Variants in ATP6V0A4 observed in about 807,000 individuals in gnomAD.
ATP6V0A4 encodes the protein ATPase H+ transporting V0 subunit a4, also known as V-type proton ATPase 116 kDa subunit a 4.
In ATP6V0A4, 86 loss-of-function variants were observed where a neutral mutation model predicts 107.3. The ratio of observed to expected loss-of-function variants is 0.80; its 90% CI spans 0.67 to 0.96. The LOEUF (loss-of-function observed/expected upper bound fraction) is 0.96, where lower values mean the gene tolerates loss of function less well. Among genes scored for constraint, ATP6V0A4 ranks in the 40% least tolerant of loss-of-function variants. ATP6V0A4 has a pLI of 0.00. For synonymous variants in ATP6V0A4, 353 were observed against 381.4 expected (o/e 0.93, Z 0.87); for missense variants, 908 against 1,045.6 (o/e 0.87, Z 1.81).
chr7:138,710,700 T>G (rs985511988), intron 20 of ATP6V0A4, among the ~76,000 whole-genome samples: 2 of 152,250 alleles, frequency 1.3e-5, no homozygotes, highest in Admixed American at 1.3e-4. Flanking sequence ...TGCCAGGTAC[T>G]GAGCACAGGA....
chr7:138,793,442 GA>G (rs1459086013), intron 1 of ATP6V0A4, among the ~76,000 whole-genome samples: 2 of 152,180 alleles, frequency 1.3e-5, no homozygotes, highest in Admixed American at 1.3e-4. Flanking sequence ...CTACAGGGAA[GA>G]AAGAAACCCG....
chr7:138,722,134 T>C (rs1584897577), intron 18 of ATP6V0A4, 109 bp from the exon 19 acceptor site: 1 of 1,520,242 alleles, frequency 6.6e-7, no homozygotes, highest in Non-Finnish European at 8.9e-7. Flanking sequence ...TACCAGACAC[T>C]GTTCTAAACA....
intron 8 of ATP6V0A4, among the ~76,000 whole-genome samples, chr7:138,758,449 T>A (rs1806616749): frequency 6.6e-6 from 1 of 152,184 alleles, no homozygotes; most frequent in African/African-American, 2.4e-5. Flanking sequence ...TTTTGTTGTT[T>A]TTTCATTAAA....
intron 14 of ATP6V0A4, among the ~76,000 whole-genome samples, chr7:138,741,386 G>A (rs1452966304): frequency 2.0e-5 from 3 of 152,068 alleles, no homozygotes; most frequent in Non-Finnish European, 4.4e-5. Context: ...ATGACTCAGT[G>A]CAAATGGCTG....
At chr7:138,787,280 AC>A (rs1194045694) in intron 1 of ATP6V0A4, among the ~76,000 whole-genome samples, 2 of 152,178 alleles carry the variant, frequency 1.3e-5, no homozygotes, top group East Asian at 3.9e-4. Context: ...AGTCCTGCGG[AC>A]CCCAGAGAAA....
chr7:138,722,609 G>C (rs1196829296), intron 18 of ATP6V0A4, among the ~76,000 whole-genome samples: 4 of 151,496 alleles, frequency 2.6e-5, no homozygotes. Flanking sequence ...GCTGGGCGTG[G>C]TGGTGCATGC....
chr7:138,758,354 T>C (rs1182437696), intron 8 of ATP6V0A4, among the ~76,000 whole-genome samples: 4 of 152,186 alleles, frequency 2.6e-5, no homozygotes, highest in Non-Finnish European at 5.9e-5. Context: ...ATGAAGACAT[T>C]AGAGTGATGG....
intron 2 of ATP6V0A4, among the ~76,000 whole-genome samples, chr7:138,772,484 G>A (rs936471294): frequency 5.3e-5 from 8 of 152,122 alleles, no homozygotes; most frequent in African/African-American, 1.7e-4. Context: ...TGCGAGTTAG[G>A]TTAGCCAAAA....
Position 138,789,229 on chromosome 7 carries a change from T to TTG in ATP6V0A4, c.-120-2970_-120-2969insCA, listed in dbSNP as rs1554403329. Among the ~76,000 whole-genome samples, 51 of 151,470 alleles carry TTG rather than the reference T, an allele frequency of 3.4e-4. 1 individual carries two copies. In the South Asian group the frequency reaches 4.8e-3, roughly 14 times the overall value. On this transcript the variant is annotated intron_variant, in intron 1 of 21. Coordinates refer to ENST00000310018, the MANE Select transcript of ATP6V0A4 (RefSeq NM_020632.3). ...GTTAAGGTTTTTTGGGGGGTTTTTTTTTGTTGTTGTTGTTGTTTTTGTCTT... is the reference window on the plus strand; with the variant it reads ...GTTAAGGTTTTTTGGGGGGTTTTTTTTGTTGTTGTTGTTGTTGTTTTTGTCTT...
intron 18 of ATP6V0A4, among the ~76,000 whole-genome samples, chr7:138,726,833 A>G (rs868111112): frequency 1.5e-4 from 23 of 152,106 alleles, no homozygotes; most frequent in African/African-American, 5.6e-4. Context: ...TCATCCATGA[A>G]GGCAGACTAG....
intron 20 of ATP6V0A4, among the ~76,000 whole-genome samples, chr7:138,713,301 A>T (rs1803848606): frequency 6.9e-6 from 1 of 144,954 alleles, no homozygotes; most frequent in South Asian, 2.2e-4. Flanking sequence ...AAAAAAAAAG[A>T]TATGCTTATG....
intron 10 of ATP6V0A4, among the ~76,000 whole-genome samples, chr7:138,755,332 C>T (rs1806452753): frequency 1.3e-5 from 2 of 152,194 alleles, no homozygotes; most frequent in South Asian, 2.1e-4. Flanking sequence ...GGAAAATAAT[C>T]AGTCAAACTG....
At chr7:138,737,706 C>T (rs1036019471) in intron 15 of ATP6V0A4, among the ~76,000 whole-genome samples, 12 of 151,022 alleles carry the variant, frequency 7.9e-5, no homozygotes, top group Admixed American at 5.3e-4. Flanking sequence ...CTCAGCCTCC[C>T]GAGTAGCTGG....
intron 5 of ATP6V0A4, among the ~76,000 whole-genome samples, chr7:138,766,921 T>A (rs1044555838): frequency 2.0e-4 from 31 of 152,286 alleles, no homozygotes; most frequent in African/African-American, 7.2e-4. Context: ...ATTAAAATAT[T>A]CCTCCCTTTT....
chr7:138,757,463 T>C (rs1023409252), intron 8 of ATP6V0A4, among the ~76,000 whole-genome samples: 24 of 151,794 alleles, frequency 1.6e-4, no homozygotes, highest in Admixed American at 2.6e-4. Context: ...CTGCAGTGAG[T>C]CATGATCATA....
rs540220176 is a variant in ATP6V0A4, at chr7:138,736,199, T to G, written c.1573-1945A>C. 1.3e-3 allele frequency among the ~76,000 whole-genome samples: 201 copies of G among 152,266 alleles called. 3 individuals are homozygous for G. Among genetic ancestry groups the G allele is most frequent in the Admixed American group, 0.013 (194 of 15,280 alleles). On this transcript the variant is annotated intron_variant, in intron 15 of 21. Coordinates refer to ENST00000310018, the MANE Select transcript of ATP6V0A4 (RefSeq NM_020632.3). The stretch of plus-strand genomic sequence containing the variant: ...TCGAGGCTGCATTGAGCCATGATCA[T>G]GCCACTACATTACAGCCTGGGCAAG...
chr7:138,745,366 ATCACCGG>A lies in ATP6V0A4; in HGVS notation c.1321-93_1321-87del, dbSNP rs1018200823. 1.9e-6 allele frequency: 3 copies of A among 1,599,452 alleles called. No homozygotes were observed. In the African/African-American group the frequency reaches 4.0e-5, roughly 21 times the overall value. ...AAGCGTTCTACAGGATATCTCCAGCATCACCGGTGCAGGCACCCTTGGGGGAGCCACA... is the reference window on the plus strand; with the variant it reads ...AAGCGTTCTACAGGATATCTCCAGCATGCAGGCACCCTTGGGGGAGCCACA... On this transcript the variant is annotated intron_variant, in intron 13 of 21. Transcript: ENST00000310018.
intron 18 of ATP6V0A4, among the ~76,000 whole-genome samples, chr7:138,725,847 G>A (rs562117315): frequency 1.3e-5 from 2 of 151,972 alleles, no homozygotes; most frequent in South Asian, 2.1e-4. Context: ...CCCATTTCTC[G>A]ATTTAAGTGC....
Position 138,707,154 on chromosome 7 carries a change from ATATATAATATATTATATATAT to A in ATP6V0A4, c.2430-458_2430-438del, listed in dbSNP as rs1157216170. Reference sequence around the variant, plus strand: ...TATATACATCAATATTAATATATTAATATATAATATATTATATATATTATATAATATATTATATATATTATA... The same window carrying A: ...TATATACATCAATATTAATATATTAATATATAATATATTATATATATTATA... On this transcript the variant is annotated intron_variant, in intron 21 of 21. Coordinates refer to ENST00000310018, the MANE Select transcript of ATP6V0A4 (RefSeq NM_020632.3). Among the ~76,000 whole-genome samples the A allele has an allele frequency of 4.0e-3, 302 of 75,018 alleles. 17 individuals carry two copies. The highest frequency in any genetic ancestry group is 4.6e-3 in the Admixed American group (20 of 4,310). The allele number at this position is 75,018 out of a possible 152,430, so 49.2% of individuals were successfully genotyped here.
Sources: gnomAD v4.1 joint callset for allele counts (sites outside exome capture counted in the v4.1 genomes callset) on GRCh38, gnomAD v4.1.1 for gene constraint, MANE v1.5 for transcripts, NCBI Gene and HGNC (gene_info 2026-07-23, HGNC 2026-07-21) for gene names.